The following CDH24 variants were observed in gnomAD, a reference collection of about 807,000 sequenced individuals.
CDH24 encodes cadherin 24.
A neutral mutation model predicts 71.2 loss-of-function variants in CDH24; 61 were observed. That is an observed-to-expected ratio of 0.86 (90% CI 0.70 to 1.06). The LOEUF (loss-of-function observed/expected upper bound fraction) is 1.06. CDH24 is among the 50% of genes least tolerant of loss of function. The pLI is 0.00. For missense variants in CDH24, 961 were observed against 1,083.7 expected (o/e 0.89, Z 1.59); for synonymous variants, 440 against 470.2 (o/e 0.94, Z 0.83).
At position 23,048,064 on chromosome 14, in the gene CDH24, GC is replaced by G; in HGVS notation, c.2261del (p.Gly754AlafsTer49). The stretch of plus-strand genomic sequence containing the variant: ...CCCAGTCGTCCAGCGGCTCCGCGGG[GC>G]CGGGGGCGCCGCCGGCTTCGCTGCC... Reference protein sequence around the residue: ...GSGSEAGGAPGPAEPLDDWGP... With the variant: ...GSGSEAGGAPXPAEPLDDWGP... On this transcript the variant is annotated frameshift_variant, in exon 12 of 13. Transcript: ENST00000487137. LOFTEE classifies it high-confidence loss of function. The G allele has an allele frequency of 7.0e-7, 1 of 1,434,662 alleles. No individual in the cohort carries two copies. The highest frequency in any genetic ancestry group is 2.8e-5 in the Admixed American group (1 of 35,858). The allele number at this position is 1,434,662 out of a possible 1,614,324, so 88.9% of individuals were successfully genotyped here. A position where few individuals can be genotyped will look rare whatever the true frequency, so the allele number is the denominator to read the frequency against.
At chr14:23,050,260 G>A in intron 8 of CDH24, 2 of 249,348 alleles carry the variant, frequency 8.0e-6, no homozygotes, top group Middle Eastern at 1.3e-3. Flanking sequence ...ACAGAGGGAA[G>A]GTGCATACGA....
Position 23,052,605 on chromosome 14 carries a change from A to T in CDH24, c.1231T>A (p.Ser411Thr). 6.2e-7 allele frequency: 1 copy of T among 1,613,472 alleles called. No individual in the cohort carries two copies. The highest frequency in any genetic ancestry group is 8.5e-7 in the Non-Finnish European group (1 of 1,179,730). Residue 411 changes from serine (S) to threonine (T), a missense_variant, in exon 8 of 13, where the codon TCC becomes ACC. Transcript: ENST00000487137. ...LDSPASPIRY[S>T]ILPHSDPERC... ...TCCGGATCTGAGTGGGGGAGGATGG[A>T]GTATCTGGGGAAGGGAGAGACATGC...
At chr14:23,056,151 C>T (rs75801235) in intron 1 of CDH24, among the ~76,000 whole-genome samples, 1,998 of 152,270 alleles carry the variant, frequency 0.013, 50 homozygotes, top group African/African-American at 0.046. Flanking sequence ...CTCTGTCCTC[C>T]CAGGTTGGGC....
rs529538762 is a variant in CDH24 at position 23,055,766 on chromosome 14, C to T, written c.-33G>A. The T allele has an allele frequency of 8.3e-5, 126 of 1,510,936 alleles. 1 individual carries two copies. In the South Asian group the frequency reaches 1.3e-3, roughly 15 times the overall value. The allele number at this position is 1,510,936 out of a possible 1,614,324, so 93.6% of individuals were successfully genotyped here. A position where few individuals can be genotyped will look rare whatever the true frequency, so the allele number is the denominator to read the frequency against. On this transcript the variant is annotated 5_prime_UTR_variant, in exon 2 of 13. Transcript: ENST00000487137. The surrounding 1 kb of genome is among the most constrained non-coding windows in gnomAD (Gnocchi z 4.1). The stretch of plus-strand genomic sequence containing the variant: ...CTCCAGCCAGGGCTCTGTTCACTGG[C>T]CCTGGGTGCTGAGGCTGGGCCAGGC...
chr14:23,051,132 A>G lies in CDH24; in HGVS notation c.1364-1189T>C, dbSNP rs1334268049. Among the ~76,000 whole-genome samples the G allele has an allele frequency of 6.6e-6, 1 of 152,204 alleles. No individual in the cohort carries two copies. Among genetic ancestry groups the G allele is most frequent in the Non-Finnish European group, 1.5e-5 (1 of 68,044 alleles). ...CACACAGACATCCATGCACTAACAG[A>G]TAACACGTGCACTGCCAGGTAGTAT... On this transcript the variant is annotated intron_variant, in intron 8 of 12. Transcript: ENST00000487137. The surrounding 1 kb of genome is among the most constrained non-coding windows in gnomAD (Gnocchi z 4.4).
Position 23,051,529 on chromosome 14 carries a change from A to G in CDH24, c.1363+944T>C, listed in dbSNP as rs1337523763. 1.3e-5 allele frequency among the ~76,000 whole-genome samples: 2 copies of G among 152,260 alleles called. No homozygotes were observed. Among genetic ancestry groups the G allele is most frequent in the Admixed American group, 1.3e-4 (2 of 15,288 alleles). On this transcript the variant is annotated intron_variant, in intron 8 of 12. Coordinates refer to ENST00000487137, the MANE Select transcript of CDH24 (RefSeq NM_144985.4). This position sits in a 1 kb window ranked among gnomAD's most constrained non-coding sequence, Gnocchi z 4.4. Reference sequence around the variant, plus strand: ...CAGCTACATGTGCATACCACTGTATATATCAATCACACATATGCATAATTA... The same window carrying G: ...CAGCTACATGTGCATACCACTGTATGTATCAATCACACATATGCATAATTA...
chr14:23,048,364 C>T lies in CDH24; in HGVS notation c.1962G>A (p.Glu654=). The change falls in exon 12 of 13, where the codon GAG becomes GAA. Residue 654 remains glutamate, a synonymous_variant. Coordinates refer to ENST00000487137, the MANE Select transcript of CDH24 (RefSeq NM_144985.4). ...IITYDDEGGG[E]EDTEAFDITA... is the part of the protein sequence containing the mutation. ...TGATGTCGAAGGCCTCGGTGTCCTC[C>T]TCGCCGCCGCCCTCGTCGTCGTAGG... 2 of 1,612,192 alleles carry T rather than the reference C, an allele frequency of 1.2e-6. No homozygotes were observed. The highest frequency in any genetic ancestry group is 1.1e-5 in the South Asian group (1 of 91,076).
chr14:23,055,554 T>C lies in CDH24; in HGVS notation c.180A>G (p.Pro60=), dbSNP rs755625732. ...TTACCTTGCCAATGAGAACAGGCTC[T>C]GGACCAGCATATTCCTCAATGACAA... ...QFFVIEEYAG[P]EPVLIGKLHS... is the part of the protein sequence containing the mutation. Residue 60 remains proline, a synonymous_variant, in exon 2 of 13, where the codon CCA becomes CCG. Transcript: ENST00000487137. This position sits in a 1 kb window ranked among gnomAD's most constrained non-coding sequence, Gnocchi z 4.1. 9.9e-6 allele frequency: 16 copies of C among 1,614,064 alleles called. No individual in the cohort carries two copies. The highest frequency in any genetic ancestry group is 1.4e-5 in the Non-Finnish European group (16 of 1,180,024).
chr14:23,049,337 GCCCATAGAGCCAGCTT>G (rs887724315), intron 10 of CDH24, 62 bp from the exon 11 acceptor site: 90 of 1,460,598 alleles, frequency 6.2e-5, no homozygotes, highest in African/African-American at 7.0e-5. Flanking sequence ...GGTTGGTCCA[GCCCATAGAGCCAGCTT>G]CCCATAGAGC....
rs759572756 is a variant in CDH24 at position 23,053,621 on chromosome 14, A to G, written c.1101T>C (p.Asp367=). Residue 367 remains aspartate, a synonymous_variant, in exon 7 of 13, where the codon GAT becomes GAC. Transcript: ENST00000487137. The part of the protein sequence containing the change: ...DVASVRVAVQ[D]APEPPAFTQA... ...GGGTGAAGGCAGGTGGCTCTGGGGC[A>G]TCTTGCACTGCCACACGCACAGAGG... 1.2e-6 allele frequency: 2 copies of G among 1,613,592 alleles called. No individual in the cohort carries two copies. Among genetic ancestry groups the G allele is most frequent in the South Asian group, 1.1e-5 (1 of 91,084 alleles).
At position 23,049,129 on chromosome 14, in the gene CDH24, C is replaced by T; in HGVS notation, c.1744G>A (p.Asp582Asn). The change falls in exon 11 of 13, where the codon GAC (aspartate) becomes AAC (asparagine). Residue 582 changes from aspartate to asparagine, a missense_variant. Coordinates refer to ENST00000487137, the MANE Select transcript of CDH24 (RefSeq NM_144985.4). ...VTVSVCRCQP[D>N]GSVASCWPEA... The stretch of plus-strand genomic sequence containing the variant: ...GGCCAGCAGGATGCCACAGAGCCGT[C>T]AGGCTGGCAGCGGCACACACTAACA... 1 of 1,604,858 alleles carries T rather than the reference C, an allele frequency of 6.2e-7. No individual in the cohort carries two copies. The highest frequency in any genetic ancestry group is 8.5e-7 in the Non-Finnish European group (1 of 1,175,796).
chr14:23,049,210 G>A lies in CDH24; in HGVS notation c.1663C>T (p.Pro555Ser). Reference sequence around the variant, plus strand: ...TGCCCCCAGTCCCACAGTTCTATGGGAACCAAGTAGGGGGCATGGCGGGGT... The same window carrying A: ...TGCCCCCAGTCCCACAGTTCTATGGAAACCAAGTAGGGGGCATGGCGGGGT... ...APPRHAPYLV[P>S]IELWDWGQPA... is the part of the protein sequence containing the mutation. Residue 555 changes from proline to serine, a missense_variant, in exon 11 of 13, where the codon CCC (proline) becomes TCC (serine). Around this residue, in one of 2 missense-constraint regions of CDH24, gnomAD observed 671 missense variants for 810.9 expected, o/e 0.83. Coordinates refer to ENST00000487137, the MANE Select transcript of CDH24 (RefSeq NM_144985.4). The A allele has an allele frequency of 6.3e-7, 1 of 1,574,930 alleles. No homozygotes were observed. The highest frequency in any genetic ancestry group is 8.6e-7 in the Non-Finnish European group (1 of 1,159,524).
At chr14:23,049,964 C>A (rs564399448) in intron 8 of CDH24, 21 bp from the exon 9 acceptor site, 1 of 1,607,564 alleles carries the variant, frequency 6.2e-7, no homozygotes, top group Admixed American at 1.7e-5. Context: ...AACACCAAAA[C>A]ATACACGCCA....
chr14:23,055,434 G>A lies in CDH24; in HGVS notation c.202-81C>T. ...GAGTCTAGGTTTGGGTAGAGCGTTGGGAGTCCTGAGGGACCAAGGTCATTG... is the reference window on the plus strand; with the variant it reads ...GAGTCTAGGTTTGGGTAGAGCGTTGAGAGTCCTGAGGGACCAAGGTCATTG... On this transcript the variant is annotated intron_variant, in intron 2 of 12. Transcript: ENST00000487137. The surrounding 1 kb of genome is among the most constrained non-coding windows in gnomAD (Gnocchi z 4.1). The A allele has an allele frequency of 6.3e-7, 1 of 1,583,678 alleles. No individual in the cohort carries two copies. Among genetic ancestry groups the A allele is most frequent in the Admixed American group, 1.7e-5 (1 of 58,516 alleles).
rs1157238239 is a variant in CDH24, at chr14:23,053,696, G to A, written c.1026C>T (p.Asn342=). 2 of 1,613,574 alleles carry A rather than the reference G, an allele frequency of 1.2e-6. No individual in the cohort carries two copies. The highest frequency in any genetic ancestry group is 2.2e-5 in the East Asian group (1 of 44,886). Residue 342 remains asparagine (N), a synonymous_variant, in exon 7 of 13, where the codon AAC becomes AAT. Coordinates refer to ENST00000487137, the MANE Select transcript of CDH24 (RefSeq NM_144985.4). ...GCAGATAGGCTGGGTCAATGAGCGT[G>A]TTGGTGGCCTCGACACGGAAGGAGT... is the stretch of plus-strand genomic sequence containing the variant. ...RSYSFRVEAT[N]TLIDPAYLRR...
At position 23,048,239 on chromosome 14, in the gene CDH24, G is replaced by A; in HGVS notation, c.2087C>T (p.Pro696Leu). The A allele has an allele frequency of 7.3e-7, 1 of 1,361,166 alleles. No individual in the cohort carries two copies. The highest frequency in any genetic ancestry group is 1.6e-5 in the African/African-American group (1 of 64,154). The allele number at this position is 1,361,166 out of a possible 1,614,324, so 84.3% of individuals were successfully genotyped here. A position where few individuals can be genotyped will look rare whatever the true frequency, so the allele number is the denominator to read the frequency against. ...PRARVSRQPR[P>L]PGPADVAQLL... The stretch of plus-strand genomic sequence containing the variant: ...CTGCGCCACGTCGGCGGGGCCGGGG[G>A]GTCTGGGCTGGCGCGACACCCGGGC... Residue 696 changes from proline (P) to leucine (L), a missense_variant, in exon 12 of 13, where the codon CCC becomes CTC. Physicochemically the swap from Pro to Leu is moderately conservative, Grantham distance 98. Coordinates refer to ENST00000487137, the MANE Select transcript of CDH24 (RefSeq NM_144985.4).
rs1594723324 is a variant in CDH24, at chr14:23,049,221, G to T, written c.1652C>A (p.Pro551His). 2 of 1,573,322 alleles carry T rather than the reference G, an allele frequency of 1.3e-6. No homozygotes were observed. Among genetic ancestry groups the T allele is most frequent in the East Asian group, 2.3e-5 (1 of 43,056 alleles). The change falls in exon 11 of 13, where the codon CCC becomes CAC. Residue 551 changes from proline (P) to histidine (H), a missense_variant. Coordinates refer to ENST00000487137, the MANE Select transcript of CDH24 (RefSeq NM_144985.4). ...PSRPAPPRHA[P>H]YLVPIELWDW... ...CCACAGTTCTATGGGAACCAAGTAG[G>T]GGGCATGGCGGGGTGGAGCAGGGCG...
intron 8 of CDH24, chr14:23,052,174 G>A (rs998076213): frequency 2.5e-6 from 2 of 812,624 alleles, no homozygotes; most frequent in Non-Finnish European, 2.1e-6. Context: ...GGGCAAGTCA[G>A]GTAAGGGAAT....
At chr14:23,049,424 G>C (rs2047067676) in intron 10 of CDH24, 149 bp from the exon 11 acceptor site, 13 of 804,040 alleles carry the variant, frequency 1.6e-5, no homozygotes, top group Non-Finnish European at 2.5e-5. Flanking sequence ...CATAGAGCCA[G>C]CCCATAGGTC....
Sources: allele counts gnomAD v4.1 joint callset (sites outside exome capture counted in the v4.1 genomes callset), GRCh38; gene constraint gnomAD v4.1.1; regional missense constraint gnomAD v4.1.1; non-coding constraint Gnocchi (gnomAD v3.1); transcripts MANE v1.5; gene names NCBI Gene and HGNC (gene_info 2026-07-23, HGNC 2026-07-21).